Variants in PSMG4 observed in about 807,000 individuals in gnomAD.
PSMG4 encodes proteasome assembly chaperone 4, also known as proteasome (prosome, macropain) assembly chaperone 4.
PSMG4 carries 10 observed loss-of-function variants against 11.0 expected under a neutral mutation model. That is an observed-to-expected ratio of 0.91 (90% CI 0.56 to 1.54). The LOEUF is 1.54. Ranked by LOEUF, PSMG4 falls within the 40% of genes most tolerant of loss-of-function variation. The pLI, the probability that PSMG4 is intolerant of heterozygous loss-of-function variation, is 0.00. For synonymous variants in PSMG4, 95 were observed against 71.3 expected (o/e 1.33, Z -1.68); for missense variants, 198 against 160.9 (o/e 1.23, Z -1.25).
Position 3,261,381 on chromosome 6 carries a change from GCAGGGCTTTGGGCACTGGT to G in PSMG4, c.174+2189_174+2207del, listed in dbSNP as rs1332636032. Among the ~76,000 whole-genome samples the G allele has an allele frequency of 7.9e-5, 12 of 152,220 alleles. 1 individual carries two copies. In the East Asian group the frequency reaches 1.9e-3, roughly 25 times the overall value. On this transcript the variant is annotated intron_variant, in intron 1 of 2. Coordinates refer to ENST00000438998, the MANE Select transcript of PSMG4 (RefSeq NM_001128591.2). ...CTCTCTTTATCCCAAGGCATAGTGGGCAGGGCTTTGGGCACTGGTCAGATCTGGTGTCGCTGCCTTGTGC... is the reference window on the plus strand; with the variant it reads ...CTCTCTTTATCCCAAGGCATAGTGGGCAGATCTGGTGTCGCTGCCTTGTGC...
Position 3,267,629 on chromosome 6 carries a change from C to T in PSMG4, c.289C>T (p.Leu97Phe). The T allele has an allele frequency of 6.4e-7, 1 of 1,552,006 alleles. No individual in the cohort carries two copies. The highest frequency in any genetic ancestry group is 8.7e-7 in the Non-Finnish European group (1 of 1,146,998). Residue 97 changes from leucine (L) to phenylalanine (F), a missense_variant, in exon 3 of 3, where the codon CTT becomes TTT. Coordinates refer to ENST00000438998, the MANE Select transcript of PSMG4 (RefSeq NM_001128591.2). Reference sequence around the variant, plus strand: ...CAAACAGGTGTTTGTCAGCTATAACCTTCAGAACACAGACAGTAACTTCGC... The same window carrying T: ...CAAACAGGTGTTTGTCAGCTATAACTTTCAGAACACAGACAGTAACTTCGC... Reference protein sequence around the residue: ...TNKQVFVSYNLQNTDSNFALL... With the variant: ...TNKQVFVSYNFQNTDSNFALL...
upstream of PSMG4, among the ~76,000 whole-genome samples, chr6:3,255,882 C>A (rs1372300831): frequency 6.6e-6 from 1 of 151,904 alleles, no homozygotes; most frequent in Non-Finnish European, 1.5e-5. Context: ...TTGTCTTCCT[C>A]TTTCCTGATT....
upstream of PSMG4, among the ~76,000 whole-genome samples, chr6:3,254,698 C>T (rs552063579): frequency 3.9e-4 from 59 of 152,250 alleles, no homozygotes; most frequent in African/African-American, 1.4e-3. Flanking sequence ...CAGAAAGAAG[C>T]TGTGGGATGC....
chr6:3,258,492 G>C (rs1354830433), upstream of PSMG4, among the ~76,000 whole-genome samples: 1 of 152,198 alleles, frequency 6.6e-6, no homozygotes, highest in East Asian at 1.9e-4. Context: ...AGGAGGAGGA[G>C]GTGGGACGGG....
At chr6:3,257,426 GCC>G (rs1374836787), upstream of PSMG4, among the ~76,000 whole-genome samples, 10 of 152,300 alleles carry the variant, frequency 6.6e-5, no homozygotes, top group East Asian at 1.9e-3. Flanking sequence ...TGCCATGCCA[GCC>G]AGGCCTTGAA....
Position 3,259,113 on chromosome 6 carries a change from A to G in PSMG4, c.91A>G (p.Met31Val). ...GGAGCAGCTGGTCCACTTCCACGTCATGCGGCTGACGGACTCGCTGTTCCT... is the reference window on the plus strand; with the variant it reads ...GGAGCAGCTGGTCCACTTCCACGTCGTGCGGCTGACGGACTCGCTGTTCCT... Reference protein sequence around the residue: ...LWEQLVHFHVMRLTDSLFLWV... With the variant: ...LWEQLVHFHVVRLTDSLFLWV... The change falls in exon 1 of 3, where the codon ATG becomes GTG. Residue 31 changes from methionine (M) to valine (V), a missense_variant. Physicochemically the swap from Met to Val is conservative, Grantham distance 21. Transcript: ENST00000438998. The G allele has an allele frequency of 7.8e-7, 1 of 1,280,272 alleles. No individual in the cohort carries two copies. The highest frequency in any genetic ancestry group is 9.9e-7 in the Non-Finnish European group (1 of 1,011,960). The allele number at this position is 1,280,272 out of a possible 1,614,324, so 79.3% of individuals were successfully genotyped here. A position where few individuals can be genotyped will look rare whatever the true frequency, so the allele number is the denominator to read the frequency against.
chr6:3,259,018 G>A lies in PSMG4; in HGVS notation c.-5G>A, dbSNP rs572011294. 2.0e-4 allele frequency: 251 copies of A among 1,244,642 alleles called. No homozygotes were observed. Among genetic ancestry groups the A allele is most frequent in the Non-Finnish European group, 2.4e-4 (240 of 993,342 alleles). 77.1% of individuals were successfully genotyped at this position (1,244,642 alleles called of 1,614,324 possible). A position where few individuals can be genotyped will look rare whatever the true frequency, so the allele number is the denominator to read the frequency against. ...GGCGCTGTGGGCCGGGAGCCGTGGG[G>A]CGGCATGGAGGGGCTGGTTGTCGCC... On this transcript the variant is annotated 5_prime_UTR_variant, in exon 1 of 3. Coordinates refer to ENST00000438998, the MANE Select transcript of PSMG4 (RefSeq NM_001128591.2).
At chr6:3,255,368 G>C (rs143431419), upstream of PSMG4, 4 of 1,427,950 alleles carry the variant, frequency 2.8e-6, no homozygotes, top group Non-Finnish European at 2.8e-6. Context: ...TTTTCCTGTG[G>C]TGGATGATGT....
upstream of PSMG4, chr6:3,258,882 A>G (rs1757851941): frequency 1.6e-5 from 13 of 830,300 alleles, no homozygotes; most frequent in East Asian, 3.4e-5. Context: ...CCCCTCCCCG[A>G]CCACGCCCCT....
intron 1 of PSMG4, among the ~76,000 whole-genome samples, 152 bp from the exon 2 acceptor site, chr6:3,263,532 G>A (rs577893055): frequency 1.3e-5 from 2 of 152,288 alleles, no homozygotes; most frequent in South Asian, 2.1e-4. Flanking sequence ...GGTTGTTGAC[G>A]GACGCCACCC....
Position 3,259,114 on chromosome 6 carries a change from T to C in PSMG4, c.92T>C (p.Met31Thr). 1 of 1,280,426 alleles carries C rather than the reference T, an allele frequency of 7.8e-7. No individual in the cohort carries two copies. The highest frequency in any genetic ancestry group is 2.8e-5 in the South Asian group (1 of 36,082). The allele number at this position is 1,280,426 out of a possible 1,614,324, so 79.3% of individuals were successfully genotyped here. The change falls in exon 1 of 3, where the codon ATG (methionine) becomes ACG (threonine). Residue 31 changes from methionine to threonine, a missense_variant. Coordinates refer to ENST00000438998, the MANE Select transcript of PSMG4 (RefSeq NM_001128591.2). ...LWEQLVHFHV[M>T]RLTDSLFLWV... is the part of the protein sequence containing the mutation. ...GAGCAGCTGGTCCACTTCCACGTCA[T>C]GCGGCTGACGGACTCGCTGTTCCTG...
Position 3,259,015 on chromosome 6 carries a change from G to T in PSMG4, c.-8G>T. 8.0e-7 allele frequency: 1 copy of T among 1,243,886 alleles called. No individual in the cohort carries two copies. The highest frequency in any genetic ancestry group is 3.7e-5 in the South Asian group (1 of 26,946). 77.1% of individuals were successfully genotyped at this position (1,243,886 alleles called of 1,614,324 possible). On this transcript the variant is annotated 5_prime_UTR_variant, in exon 1 of 3. Coordinates refer to ENST00000438998, the MANE Select transcript of PSMG4 (RefSeq NM_001128591.2). ...TCTGGCGCTGTGGGCCGGGAGCCGT[G>T]GGGCGGCATGGAGGGGCTGGTTGTC...
At chr6:3,258,190 T>C (rs1213000451), upstream of PSMG4, among the ~76,000 whole-genome samples, 1 of 146,798 alleles carries the variant, frequency 6.8e-6, no homozygotes, top group African/African-American at 2.5e-5. Flanking sequence ...ATTGGATGAT[T>C]GTTGGTGCTT....
intron 1 of PSMG4, among the ~76,000 whole-genome samples, chr6:3,261,293 C>G (rs77456789): frequency 0.022 from 3,312 of 152,150 alleles, 129 homozygotes; most frequent in African/African-American, 0.075. Flanking sequence ...CAGGCGGCAG[C>G]GGAAGAGGCC....
chr6:3,255,220 A>G (rs1262240169), upstream of PSMG4: 2 of 1,549,744 alleles, frequency 1.3e-6, no homozygotes, highest in Non-Finnish European at 8.7e-7. Flanking sequence ...CAGGAGCAAA[A>G]TCAACTCTGG....
upstream of PSMG4, chr6:3,255,104 G>A (rs1455938138): frequency 2.6e-6 from 4 of 1,551,050 alleles, no homozygotes; most frequent in East Asian, 2.4e-5. Flanking sequence ...CTGCATAGGA[G>A]CACAACATCA....
chr6:3,256,283 A>G (rs1037750046), upstream of PSMG4, among the ~76,000 whole-genome samples: 4 of 152,186 alleles, frequency 2.6e-5, no homozygotes, highest in African/African-American at 9.7e-5. Flanking sequence ...CTAGGTATAT[A>G]TATCCCAGTT....
At chr6:3,254,421 G>T (rs561450442), upstream of PSMG4, among the ~76,000 whole-genome samples, 1 of 150,172 alleles carries the variant, frequency 6.7e-6, no homozygotes, top group Non-Finnish European at 1.5e-5. Flanking sequence ...CATCTGAGGA[G>T]GTATGGCTTT....
upstream of PSMG4, among the ~76,000 whole-genome samples, chr6:3,254,449 T>C (rs561986005): frequency 1.5e-5 from 1 of 68,592 alleles, no homozygotes. Context: ...AATAGTTTTC[T>C]GCTTTTTTTG....
Sources: gnomAD v4.1 joint callset for allele counts (sites outside exome capture counted in the v4.1 genomes callset) on GRCh38, gnomAD v4.1.1 for gene constraint, MANE v1.5 for transcripts, NCBI Gene and HGNC (gene_info 2026-07-23, HGNC 2026-07-21) for gene names.